DTNA: variants seen among roughly 807,000 people sequenced by gnomAD.
The protein encoded by DTNA is dystrobrevin alpha, also known as dystrophin-related protein 3.
In DTNA, 43 loss-of-function variants were observed where a neutral mutation model predicts 100.7. That is an observed-to-expected ratio of 0.43 (90% CI 0.33 to 0.55). The LOEUF (loss-of-function observed/expected upper bound fraction) is 0.55, where lower values mean the gene tolerates loss of function less well. Ranked by LOEUF, DTNA falls within the 20% of genes least tolerant of loss-of-function variation. The probability of loss-of-function intolerance (pLI) is 0.04; values close to 1 mark genes in which losing one functional copy is unlikely to be tolerated. For synonymous variants in DTNA, 349 were observed against 347.9 expected (o/e 1.00, Z -0.04); for missense variants, 798 against 953.9 (o/e 0.84, Z 2.15).
chr18:34,673,125 C>A (rs2076973594), intron 1 of DTNA, among the ~76,000 whole-genome samples: 2 of 152,206 alleles, frequency 1.3e-5, no homozygotes, highest in African/African-American at 4.8e-5. Context: ...CTCACTCTGT[C>A]ACTCAGGCTG....
chr18:34,793,549 T>G (rs1478463607), intron 3 of DTNA, among the ~76,000 whole-genome samples: 1 of 152,206 alleles, frequency 6.6e-6, no homozygotes, highest in Non-Finnish European at 1.5e-5. Context: ...CATAAATAAA[T>G]GAAAACATTT....
At chr18:34,605,857 G>T (rs971582725) in intron 1 of DTNA, among the ~76,000 whole-genome samples, 1 of 152,062 alleles carries the variant, frequency 6.6e-6, no homozygotes, top group Non-Finnish European at 1.5e-5. Flanking sequence ...ATCTGGACAG[G>T]ATTTAGCATT....
At chr18:34,598,714 A>C (rs1019306628) in intron 1 of DTNA, among the ~76,000 whole-genome samples, 43 of 152,200 alleles carry the variant, frequency 2.8e-4, no homozygotes, top group African/African-American at 1.0e-3. Context: ...ATACAAAAAA[A>C]AATTAGCCAG....
intron 1 of DTNA, among the ~76,000 whole-genome samples, chr18:34,638,810 T>G (rs2058936469): frequency 6.6e-6 from 1 of 152,204 alleles, no homozygotes; most frequent in South Asian, 2.1e-4. Context: ...TATTTATTGA[T>G]CACTTACTGT....
chr18:34,679,313 A>G (rs2077776597), intron 1 of DTNA, among the ~76,000 whole-genome samples: 1 of 152,154 alleles, frequency 6.6e-6, no homozygotes, highest in South Asian at 2.1e-4. Flanking sequence ...CTAAATGAAA[A>G]GCAAGGTTCT....
intron 2 of DTNA, among the ~76,000 whole-genome samples, chr18:34,759,521 G>A (rs1775365587): frequency 6.6e-6 from 1 of 152,186 alleles, no homozygotes; most frequent in Non-Finnish European, 1.5e-5. Flanking sequence ...TGGAAGGGAA[G>A]TGATTGGAAA....
chr18:34,828,606 T>A (rs896939112), intron 10 of DTNA, among the ~76,000 whole-genome samples: 2 of 152,194 alleles, frequency 1.3e-5, no homozygotes. Context: ...CAGCTGATTT[T>A]TTTTCCTCTG....
At chr18:34,686,275 T>C (rs2078888690) in intron 1 of DTNA, among the ~76,000 whole-genome samples, 1 of 152,202 alleles carries the variant, frequency 6.6e-6, no homozygotes, top group South Asian at 2.1e-4. Flanking sequence ...GGCTGTGGAT[T>C]TGTCATAAAT....
intron 1 of DTNA, among the ~76,000 whole-genome samples, chr18:34,692,010 A>G (rs1314669376): frequency 6.6e-6 from 1 of 152,210 alleles, no homozygotes; most frequent in East Asian, 1.9e-4. Context: ...ATCAACCTTC[A>G]TTATCAATCA....
chr18:34,590,350 A>G (rs908836225), intron 1 of DTNA, among the ~76,000 whole-genome samples: 1 of 152,190 alleles, frequency 6.6e-6, no homozygotes, highest in Non-Finnish European at 1.5e-5. Flanking sequence ...ACCCCAAATT[A>G]TTTTTGCATA....
chr18:34,591,192 G>A (rs1464956992), intron 1 of DTNA, among the ~76,000 whole-genome samples: 3 of 151,650 alleles, frequency 2.0e-5, no homozygotes, highest in Non-Finnish European at 4.4e-5. Context: ...TTAATATTTA[G>A]AATCACACAC....
At chr18:34,844,277 T>C (rs538022588) in intron 13 of DTNA, among the ~76,000 whole-genome samples, 2 of 152,274 alleles carry the variant, frequency 1.3e-5, no homozygotes, top group South Asian at 4.1e-4. Context: ...CCATGAAGAT[T>C]GCCATTTCAT....
At chr18:34,887,553 C>A (rs2096933206) in intron 22 of DTNA, among the ~76,000 whole-genome samples, 1 of 152,178 alleles carries the variant, frequency 6.6e-6, no homozygotes, top group Non-Finnish European at 1.5e-5. Flanking sequence ...ACATGGAGGA[C>A]TTCCTGTCCT....
intron 1 of DTNA, among the ~76,000 whole-genome samples, chr18:34,590,785 AAAC>A (rs1032620901): frequency 6.6e-6 from 1 of 152,236 alleles, no homozygotes; most frequent in Non-Finnish European, 1.5e-5. Context: ...TGAAAGAGGA[AAAC>A]AACATTTACT....
chr18:34,689,080 G>A (rs2079340512), intron 1 of DTNA, among the ~76,000 whole-genome samples: 1 of 151,884 alleles, frequency 6.6e-6, no homozygotes, highest in African/African-American at 2.4e-5. Flanking sequence ...CCTTGCATTG[G>A]GTTAGAACAT....
At chr18:34,647,823 C>T (rs985479270) in intron 1 of DTNA, among the ~76,000 whole-genome samples, 1 of 152,170 alleles carries the variant, frequency 6.6e-6, no homozygotes, top group Non-Finnish European at 1.5e-5. Flanking sequence ...TGGAACATGC[C>T]TCTCTGGCAC....
chr18:34,520,578 C>G (rs1417393067), intron 1 of DTNA, among the ~76,000 whole-genome samples: 1 of 152,056 alleles, frequency 6.6e-6, no homozygotes, highest in Non-Finnish European at 1.5e-5. Flanking sequence ...TGCTTGAACG[C>G]TGGAGGCAAA....
At chr18:34,856,770 A>G (rs2096557293) in intron 15 of DTNA, among the ~76,000 whole-genome samples, 1 of 152,256 alleles carries the variant, frequency 6.6e-6, no homozygotes, top group Non-Finnish European at 1.5e-5. Flanking sequence ...TAAAGAAGTC[A>G]GCAGAGTTCC....
At chr18:34,750,366 A>G (rs956881117) in intron 1 of DTNA, among the ~76,000 whole-genome samples, 1 of 152,186 alleles carries the variant, frequency 6.6e-6, no homozygotes, top group Non-Finnish European at 1.5e-5. Flanking sequence ...CCTTTAAGAA[A>G]TAATACATAA....
Sources: gnomAD v4.1 joint callset for allele counts (sites outside exome capture counted in the v4.1 genomes callset) on GRCh38, gnomAD v4.1.1 for gene constraint, MANE v1.5 for transcripts, NCBI Gene and HGNC (gene_info 2026-07-23, HGNC 2026-07-21) for gene names.